The following ADAMTS3 variants were observed in gnomAD, a reference collection of about 807,000 sequenced individuals.
ADAMTS3 encodes the protein ADAM metallopeptidase with thrombospondin type 1 motif 3, also known as A disintegrin and metalloproteinase with thrombospondin motifs 3.
In ADAMTS3, 73 loss-of-function variants were observed where a neutral mutation model predicts 129.0. That is an observed-to-expected ratio of 0.57 (90% CI 0.47 to 0.69). ADAMTS3 has a LOEUF of 0.69. Ranked by LOEUF, ADAMTS3 falls within the 30% of genes least tolerant of loss-of-function variation. The probability of loss-of-function intolerance (pLI) is 0.00; values close to 1 mark genes in which losing one functional copy is unlikely to be tolerated. For missense variants in ADAMTS3, 1,457 were observed against 1,514.5 expected, an observed-to-expected ratio of 0.96 and a Z score of 0.63; for synonymous variants, 477 against 510.8, an observed-to-expected ratio of 0.93 and a Z score of 0.89.
intron 3 of ADAMTS3, among the ~76,000 whole-genome samples, chr4:72,421,075 T>C (rs1040886090): frequency 1.3e-5 from 2 of 152,238 alleles, no homozygotes; most frequent in Non-Finnish European, 2.9e-5. Flanking sequence ...GAAATGTCCA[T>C]ATAACGTTAG....
chr4:72,427,268 A>G (rs933987587), intron 3 of ADAMTS3, among the ~76,000 whole-genome samples: 1 of 152,206 alleles, frequency 6.6e-6, no homozygotes, highest in East Asian at 1.9e-4. Flanking sequence ...TCCCAATTCT[A>G]ATGTAACTGC....
chr4:72,515,869 T>C (rs1308141597), intron 3 of ADAMTS3, among the ~76,000 whole-genome samples: 4 of 152,188 alleles, frequency 2.6e-5, no homozygotes, highest in Admixed American at 2.6e-4. Flanking sequence ...TTTTGGCTTT[T>C]GTTGCCATTG....
At chr4:72,297,695 G>C (rs1378189173) in intron 18 of ADAMTS3, among the ~76,000 whole-genome samples, 1 of 152,074 alleles carries the variant, frequency 6.6e-6, no homozygotes, top group Non-Finnish European at 1.5e-5. Context: ...GGTTATCTGG[G>C]TTTGAATCCT....
At chr4:72,529,930 A>T (rs182982466) in intron 3 of ADAMTS3, among the ~76,000 whole-genome samples, 4,288 of 38,902 alleles carry the variant, frequency 0.11, 356 homozygotes, top group Non-Finnish European at 0.12. Context: ...AATATTATAT[A>T]ATATATTATA....
chr4:72,540,040 G>C (rs973715279), intron 3 of ADAMTS3, among the ~76,000 whole-genome samples: 1 of 152,194 alleles, frequency 6.6e-6, no homozygotes, highest in Non-Finnish European at 1.5e-5. Flanking sequence ...GAACTGGGTA[G>C]CAGGCAGAGG....
chr4:72,332,639 C>A (rs1468176661), intron 5 of ADAMTS3, among the ~76,000 whole-genome samples: 4 of 152,106 alleles, frequency 2.6e-5, no homozygotes, highest in Admixed American at 6.6e-5. Context: ...CCCAGAAGAC[C>A]ATTTCATAGA....
chr4:72,491,912 A>AT (rs1266635485), intron 3 of ADAMTS3, among the ~76,000 whole-genome samples: 1 of 151,656 alleles, frequency 6.6e-6, no homozygotes, highest in East Asian at 1.9e-4. Context: ...TTGTTGGCAG[A>AT]TTTTTCATTA....
intron 4 of ADAMTS3, among the ~76,000 whole-genome samples, chr4:72,374,885 C>A (rs1057060502): frequency 2.0e-5 from 3 of 152,178 alleles, no homozygotes; most frequent in African/African-American, 7.2e-5. Context: ...TAAGCAACTA[C>A]CACCTTTAAA....
intron 4 of ADAMTS3, among the ~76,000 whole-genome samples, chr4:72,379,743 AATG>A: frequency 6.6e-6 from 1 of 152,294 alleles, no homozygotes; most frequent in East Asian, 1.9e-4. Context: ...CATGCTTAGA[AATG>A]ATGATAATCA....
rs115653055 is a variant in ADAMTS3 at position 72,553,573 on chromosome 4, G to A, written c.98-4689C>T. Among the ~76,000 whole-genome samples the A allele has an allele frequency of 4.7e-3, 708 of 152,234 alleles. 1 individual carries two copies. Among genetic ancestry groups the A allele is most frequent in the African/African-American group, 0.016 (685 of 41,548 alleles). On this transcript the variant is annotated intron_variant, in intron 2 of 21. Coordinates refer to ENST00000286657, the MANE Select transcript of ADAMTS3 (RefSeq NM_014243.3). ...CTGCTCCTGCTCTCTGGAAGGAAAG[G>A]TTTTTCTCTGAGCACTCCAGGCTGC...
rs776003883 is a variant in ADAMTS3 at position 72,482,453 on chromosome 4, T to C, written c.504+66025A>G. Reference sequence around the variant, plus strand: ...ATATAGTACCATTTACATACTGTTCTGGAAATGACAAAAATGGAAATGAAG... The same window carrying C: ...ATATAGTACCATTTACATACTGTTCCGGAAATGACAAAAATGGAAATGAAG... On this transcript the variant is annotated intron_variant, in intron 3 of 21. Coordinates refer to ENST00000286657, the MANE Select transcript of ADAMTS3 (RefSeq NM_014243.3). 1.9e-4 allele frequency among the ~76,000 whole-genome samples: 29 copies of C among 152,076 alleles called. 1 individual carries two copies. Among genetic ancestry groups the C allele is most frequent in the Non-Finnish European group, 4.0e-4 (27 of 67,952 alleles).
intron 3 of ADAMTS3, among the ~76,000 whole-genome samples, chr4:72,473,570 A>C (rs1238243745): frequency 6.6e-6 from 1 of 150,896 alleles, no homozygotes; most frequent in Non-Finnish European, 1.5e-5. Context: ...AAAAAAAAAC[A>C]CGGTCCTACT....
intron 3 of ADAMTS3, among the ~76,000 whole-genome samples, chr4:72,541,779 T>C (rs1721332319): frequency 6.6e-6 from 1 of 152,178 alleles, no homozygotes; most frequent in Non-Finnish European, 1.5e-5. Context: ...TCCTTTGCCT[T>C]CCACCACGAT....
In ADAMTS3 at chr4:72,283,502, C is replaced by T. The variant is rs1203222153; in HGVS notation, c.3252G>A (p.Val1084=). The change falls in exon 22 of 22, where the codon GTG becomes GTA. Residue 1084 remains valine (V), a synonymous_variant. Transcript: ENST00000286657. The part of the protein sequence containing the change: ...SNPSDLPRSL[V]MPTSLVPYHS... ...GATAAGGAACCAAAGATGTAGGCAT[C>T]ACTAGAGATCTAGGGAGGTCACTAG... The T allele has an allele frequency of 6.2e-7, 1 of 1,614,042 alleles. No homozygotes were observed.
At position 72,494,756 on chromosome 4, in the gene ADAMTS3, C is replaced by T. The variant is rs549574993; in HGVS notation, c.504+53722G>A. Among the ~76,000 whole-genome samples, 5 of 152,154 alleles carry T rather than the reference C, an allele frequency of 3.3e-5. No individual in the cohort carries two copies. In the East Asian group the frequency reaches 9.7e-4, roughly 29 times the overall value. On this transcript the variant is annotated intron_variant, in intron 3 of 21. Transcript: ENST00000286657. ...TTACCTAAGGTAGGGTGTGACAGTGCCAACTGGGTAGGGTGTGACAGCTTT... is the reference window on the plus strand; with the variant it reads ...TTACCTAAGGTAGGGTGTGACAGTGTCAACTGGGTAGGGTGTGACAGCTTT...
chr4:72,494,986 C>A (rs922840699), intron 3 of ADAMTS3, among the ~76,000 whole-genome samples: 12 of 152,272 alleles, frequency 7.9e-5, no homozygotes, highest in African/African-American at 2.6e-4. Context: ...TTCTCCTTTT[C>A]CCTCATGGGG....
intron 3 of ADAMTS3, among the ~76,000 whole-genome samples, chr4:72,434,970 A>G (rs1722784827): frequency 6.6e-6 from 1 of 151,840 alleles, no homozygotes; most frequent in Non-Finnish European, 1.5e-5. Context: ...GCCACAAGGA[A>G]ATTCAATTTT....
chr4:72,557,042 T>A (rs889778678), intron 2 of ADAMTS3, among the ~76,000 whole-genome samples: 1 of 151,822 alleles, frequency 6.6e-6, no homozygotes, highest in African/African-American at 2.4e-5. Context: ...AGACTGGAAT[T>A]CTCTCCCAAG....
At chr4:72,313,466 T>C (rs1719299938) in intron 12 of ADAMTS3, among the ~76,000 whole-genome samples, 1 of 152,196 alleles carries the variant, frequency 6.6e-6, no homozygotes, top group Admixed American at 6.6e-5. Flanking sequence ...AAATATTCAA[T>C]CTTCGTTTGA....
Sources: gnomAD v4.1 joint callset for allele counts (sites outside exome capture counted in the v4.1 genomes callset) on GRCh38, gnomAD v4.1.1 for gene constraint, MANE v1.5 for transcripts, NCBI Gene and HGNC (gene_info 2026-07-23, HGNC 2026-07-21) for gene names.